Variants in SLC5A4 observed in about 807,000 individuals in gnomAD.
The protein encoded by SLC5A4 is probable glucose sensor protein SLC5A4.
A neutral mutation model predicts 70.3 loss-of-function variants in SLC5A4; 55 were observed. That is an observed-to-expected ratio of 0.78 (90% confidence interval 0.63 to 0.98). SLC5A4 has a LOEUF of 0.98. Among genes scored for constraint, SLC5A4 ranks in the 50% least tolerant of loss-of-function variants. SLC5A4 has a pLI of 0.00. For missense variants in SLC5A4, 735 were observed against 839.2 expected, an observed-to-expected ratio of 0.88 and a Z score of 1.53; for synonymous variants, 268 against 305.7, an observed-to-expected ratio of 0.88 and a Z score of 1.29.
At position 32,224,405 on chromosome 22, in the gene SLC5A4, C is replaced by A. The variant is rs1925274528; in HGVS notation, c.1527G>T (p.Gly509=). 3 of 1,614,076 alleles carry A rather than the reference C, an allele frequency of 1.9e-6. No homozygotes were observed. Among genetic ancestry groups the A allele is most frequent in the South Asian group, 1.1e-5 (1 of 91,074 alleles). Residue 509 remains glycine (G), a synonymous_variant, in exon 13 of 15, where the codon GGG becomes GGT. Transcript: ENST00000266086. ...RMITEFAYGT[G]SCLAPSNCPK... ...GACAGTTACTGGGAGCCAAGCAACT[C>A]CCTGTTCCATAAGCAAACTCTGTTA... is the stretch of plus-strand genomic sequence containing the variant.
chr22:32,229,390 G>A, intron 10 of SLC5A4, 46 bp from the exon 11 acceptor site: 1 of 1,595,744 alleles, frequency 6.3e-7, no homozygotes, highest in African/African-American at 1.3e-5. Flanking sequence ...GCTGGACACT[G>A]CCTTGCTAAA....
At chr22:32,276,386 G>A in the SLC5A4 span, among the ~76,000 whole-genome samples, 6 of 152,226 alleles carry the variant, frequency 3.9e-5, no homozygotes, top group East Asian at 5.8e-4. Context: ...AATTGAATAC[G>A]GCTGACAAGG....
the SLC5A4 span, among the ~76,000 whole-genome samples, chr22:32,273,766 A>G: frequency 6.6e-6 from 1 of 151,994 alleles, no homozygotes; most frequent in Non-Finnish European, 1.5e-5. Flanking sequence ...ACTATTTCCT[A>G]AACAAGAGAA....
chr22:32,243,846 G>T (rs568200440), intron 5 of SLC5A4, among the ~76,000 whole-genome samples: 1 of 152,078 alleles, frequency 6.6e-6, no homozygotes, highest in Non-Finnish European at 1.5e-5. Flanking sequence ...AAAATTAGCC[G>T]AGCGTGTTGG....
chr22:32,272,343 G>C, the SLC5A4 span: 2 of 840,468 alleles, frequency 2.4e-6, no homozygotes, highest in Non-Finnish European at 4.1e-6. Flanking sequence ...AAGGCCACCT[G>C]GTGTCGGCCA....
intron 5 of SLC5A4, among the ~76,000 whole-genome samples, chr22:32,240,050 A>G (rs1926427310): frequency 6.7e-6 from 1 of 149,468 alleles, no homozygotes; most frequent in Admixed American, 6.7e-5. Flanking sequence ...AAAAGAAAGT[A>G]TGTACCAAAA....
rs182054943 is a variant in SLC5A4, at chr22:32,234,609, G to A, written c.885+264C>T. Among the ~76,000 whole-genome samples, 199 of 152,250 alleles carry A rather than the reference G, an allele frequency of 1.3e-3. 2 individuals are homozygous for A. The East Asian group carries it at 0.019, about 14-fold the overall frequency. On this transcript the variant is annotated intron_variant, in intron 8 of 14. Transcript: ENST00000266086. ...AGCTACATGGGAGGCTGAGGCAGGAGAATCACCTGAACCCGGGAGGTGGAG... is the reference window on the plus strand; with the variant it reads ...AGCTACATGGGAGGCTGAGGCAGGAAAATCACCTGAACCCGGGAGGTGGAG...
the SLC5A4 span, among the ~76,000 whole-genome samples, chr22:32,334,748 C>T: frequency 1.3e-5 from 2 of 152,162 alleles, no homozygotes; most frequent in Non-Finnish European, 2.9e-5. Context: ...AGGACGTCAG[C>T]GGCACTCCAG....
chr22:32,221,111 T>C, intron 13 of SLC5A4, 89 bp from the exon 14 acceptor site: 1 of 891,454 alleles, frequency 1.1e-6, no homozygotes, highest in Non-Finnish European at 1.8e-6. Context: ...TCGTCTGGTG[T>C]TTTTAAAAAA....
chr22:32,255,067 CAAG>C, intron 1 of SLC5A4, 125 bp downstream of exon 1: 1 of 910,098 alleles, frequency 1.1e-6, no homozygotes, highest in Non-Finnish European at 1.7e-6. Context: ...ATGCAACACA[CAAG>C]AAAATGATTC....
the SLC5A4 span, chr22:32,270,878 C>T: frequency 1.8e-6 from 1 of 553,166 alleles, no homozygotes; most frequent in Non-Finnish European, 3.4e-6. Flanking sequence ...GCTGCACCAT[C>T]AGCCCAACGT....
chr22:32,228,533 ACT>A (rs1925542106), intron 11 of SLC5A4, among the ~76,000 whole-genome samples: 1 of 126,866 alleles, frequency 7.9e-6, no homozygotes, highest in African/African-American at 3.6e-5. Context: ...AAAGAGTGAA[ACT>A]CTGTCTCAAA....
chr22:32,285,137 G>A, the SLC5A4 span: 2 of 152,110 alleles, frequency 1.3e-5, no homozygotes, highest in South Asian at 2.1e-4. Flanking sequence ...AAGTAGATGT[G>A]TGTGTATATA....
chr22:32,260,508 C>CCA, the SLC5A4 span, among the ~76,000 whole-genome samples: 3 of 124,954 alleles, frequency 2.4e-5, no homozygotes, highest in Admixed American at 8.3e-5. Flanking sequence ...ATTTTGGTGA[C>CCA]AAAAAAAAAA....
At chr22:32,310,275 T>G in the SLC5A4 span, among the ~76,000 whole-genome samples, 1 of 152,102 alleles carries the variant, frequency 6.6e-6, no homozygotes, top group East Asian at 1.9e-4. Flanking sequence ...ACATGAGGGT[T>G]GCAAACTCCT....
intron 5 of SLC5A4, among the ~76,000 whole-genome samples, chr22:32,246,257 G>C (rs1362439683): frequency 6.6e-6 from 1 of 152,256 alleles, no homozygotes; most frequent in Middle Eastern, 3.4e-3. Flanking sequence ...CAATGCTCAC[G>C]TTGCATTGGG....
the SLC5A4 span, among the ~76,000 whole-genome samples, chr22:32,288,586 G>A: frequency 5.3e-5 from 8 of 151,914 alleles, no homozygotes; most frequent in Non-Finnish European, 7.4e-5. Context: ...TTGGAGCTTC[G>A]CTATTGTTCC....
chr22:32,316,371 T>A, the SLC5A4 span, among the ~76,000 whole-genome samples: 4 of 151,948 alleles, frequency 2.6e-5, no homozygotes, highest in South Asian at 2.1e-4. Flanking sequence ...ACATATTGAA[T>A]GAGAAAAAAG....
chr22:32,221,356 A>G (rs141840548), intron 13 of SLC5A4, among the ~76,000 whole-genome samples: 219 of 152,286 alleles, frequency 1.4e-3, no homozygotes, highest in African/African-American at 5.0e-3. Context: ...TTAACATCCA[A>G]CAGTTATTAG....
Sources: allele counts gnomAD v4.1 joint callset (sites outside exome capture counted in the v4.1 genomes callset), GRCh38; gene constraint gnomAD v4.1.1; transcripts MANE v1.5; gene names NCBI Gene and HGNC (gene_info 2026-07-23, HGNC 2026-07-21).